The following MYH10 variants were observed in gnomAD, a reference collection of about 807,000 sequenced individuals.
MYH10 encodes myosin heavy chain 10.
MYH10 carries 55 observed loss-of-function variants against 257.8 expected under a neutral mutation model. The observed-to-expected ratio is 0.21, with a 90% CI of 0.17 to 0.27. The LOEUF is 0.27. MYH10 is among the 10% of genes least tolerant of loss of function. The pLI, the probability that MYH10 is intolerant of heterozygous loss-of-function variation, is 1.00. For synonymous variants in MYH10, 854 were observed against 921.7 expected (o/e 0.93, Z 1.33); for missense variants, 1,631 against 2,500.6 (o/e 0.65, Z 7.42).
At chr17:8,510,764 A>G (rs2081241850) in intron 24 of MYH10, among the ~76,000 whole-genome samples, 1 of 152,152 alleles carries the variant, frequency 6.6e-6, no homozygotes, top group South Asian at 2.1e-4. Flanking sequence ...GAAAACAATA[A>G]TTTAAATAGT....
rs576585516 is a variant in MYH10, at chr17:8,531,964, T to A, written c.1895-1279A>T. On this transcript the variant is annotated intron_variant, in intron 16 of 42. Coordinates refer to ENST00000360416, the MANE Select transcript of MYH10 (RefSeq NM_001256012.3). ...CTCTTTAACCTTCTGTGCCTGCCAC[T>A]GCTTTCTGTATGAAACAAACTGTCC... is the stretch of plus-strand genomic sequence containing the variant. 3.3e-5 allele frequency among the ~76,000 whole-genome samples: 5 copies of A among 152,346 alleles called. No individual in the cohort carries two copies. In the South Asian group the frequency reaches 1.0e-3, roughly 32 times the overall value.
At chr17:8,483,546 A>G (rs1914228700) in intron 37 of MYH10, among the ~76,000 whole-genome samples, 2 of 152,234 alleles carry the variant, frequency 1.3e-5, no homozygotes, top group Non-Finnish European at 2.9e-5. Context: ...TTAACTGATA[A>G]TAACATTTAA....
At chr17:8,624,460 C>A (rs2085593414) in intron 1 of MYH10, among the ~76,000 whole-genome samples, 1 of 152,216 alleles carries the variant, frequency 6.6e-6, no homozygotes, top group African/African-American at 2.4e-5. Context: ...TTCAAACCAA[C>A]AGAAGAAGCC....
chr17:8,530,920 A>G (rs1218236115), intron 16 of MYH10, among the ~76,000 whole-genome samples: 1 of 152,224 alleles, frequency 6.6e-6, no homozygotes, highest in East Asian at 1.9e-4. Flanking sequence ...TCCCGGTGTG[A>G]GCATTATATG....
chr17:8,529,334 A>G (rs2081950466), intron 17 of MYH10, among the ~76,000 whole-genome samples: 1 of 152,352 alleles, frequency 6.6e-6, no homozygotes, highest in South Asian at 2.1e-4. Flanking sequence ...CCCTGCCCTC[A>G]AAGAGCTCAC....
chr17:8,486,595 T>TACCA (rs1914846172), intron 36 of MYH10, among the ~76,000 whole-genome samples: 1 of 140,334 alleles, frequency 7.1e-6, no homozygotes, highest in Non-Finnish European at 1.5e-5. Flanking sequence ...AACAAGTTCC[T>TACCA]ACCAACCTAT....
chr17:8,561,728 A>G (rs141042861), intron 7 of MYH10, among the ~76,000 whole-genome samples: 1 of 152,228 alleles, frequency 6.6e-6, no homozygotes, highest in East Asian at 1.9e-4. Context: ...GTGGTCACTT[A>G]CTTAGATAAA....
In MYH10 at chr17:8,545,565, G is replaced by C; in HGVS notation, c.1314C>G (p.Thr438=). 1 of 1,613,988 alleles carries C rather than the reference G, an allele frequency of 6.2e-7. No homozygotes were observed. The highest frequency in any genetic ancestry group is 8.5e-7 in the Non-Finnish European group (1 of 1,179,958). ...CGAGCCAGCGAAAGAGCCGCTCATA[G>C]GTAGCTTTTGCCAATGCTTCTACTG... is the stretch of plus-strand genomic sequence containing the variant. The part of the protein sequence containing the change: ...DFAVEALAKA[T]YERLFRWLVH... The change falls in exon 13 of 43, where the codon ACC becomes ACG. Residue 438 remains threonine (T), a synonymous_variant. Coordinates refer to ENST00000360416, the MANE Select transcript of MYH10 (RefSeq NM_001256012.3). The surrounding 1 kb of genome is among the most constrained non-coding windows in gnomAD (Gnocchi z 4.7).
chr17:8,591,248 T>C (rs984982473), intron 3 of MYH10, among the ~76,000 whole-genome samples: 2 of 152,158 alleles, frequency 1.3e-5, no homozygotes, highest in African/African-American at 4.8e-5. Context: ...AATGCATTGC[T>C]TGAGATCCGA....
At chr17:8,579,823 C>T (rs1485210129) in intron 4 of MYH10, among the ~76,000 whole-genome samples, 1 of 152,118 alleles carries the variant, frequency 6.6e-6, no homozygotes, top group Non-Finnish European at 1.5e-5. Context: ...AGTTTGATAG[C>T]TTCACTTTTT....
In MYH10 at chr17:8,484,210, C is replaced by G; in HGVS notation, c.5103G>C (p.Glu1701Asp). 1 of 1,612,938 alleles carries G rather than the reference C, an allele frequency of 6.2e-7. No homozygotes were observed. Reference sequence around the variant, plus strand: ...CACTCTCTTTGGATTGAGCAAAAATCTCATCTCTGGATGCACGAGCTTCTT... The same window carrying G: ...CACTCTCTTTGGATTGAGCAAAAATGTCATCTCTGGATGCACGAGCTTCTT... ...ELEEARASRD[E>D]IFAQSKESEK... Residue 1701 changes from glutamate (E) to aspartate (D), a missense_variant, in exon 37 of 43, where the codon GAG becomes GAC. This residue lies in a region of MYH10 where 463 missense variants were observed against 621.8 expected (regional missense o/e 0.74). Transcript: ENST00000360416.
At chr17:8,528,020 T>C (rs1471562690) in intron 17 of MYH10, among the ~76,000 whole-genome samples, 2 of 152,224 alleles carry the variant, frequency 1.3e-5, no homozygotes, top group Non-Finnish European at 2.9e-5. Context: ...GGAGATTAAA[T>C]GGGTACCATC....
At chr17:8,532,084 G>A (rs1057019683) in intron 16 of MYH10, among the ~76,000 whole-genome samples, 5 of 152,150 alleles carry the variant, frequency 3.3e-5, no homozygotes, top group East Asian at 1.9e-4. Context: ...GATCTTCTCC[G>A]TCACTCAGAT....
intron 4 of MYH10, among the ~76,000 whole-genome samples, chr17:8,580,171 T>A (rs2083649872): frequency 6.6e-6 from 1 of 152,122 alleles, no homozygotes; most frequent in South Asian, 2.1e-4. Context: ...ACCTGTGGCA[T>A]ACTTCCAAGC....
chr17:8,512,183 GT>G (rs1320137226), intron 24 of MYH10, among the ~76,000 whole-genome samples: 1 of 152,152 alleles, frequency 6.6e-6, no homozygotes, highest in Non-Finnish European at 1.5e-5. Flanking sequence ...ATCCTGGGAG[GT>G]TTGCGACTGT....
In MYH10 at chr17:8,490,532, G is replaced by A. The variant is rs1915605309; in HGVS notation, c.4692C>T (p.Ser1564=). 1 of 1,614,152 alleles carries A rather than the reference G, an allele frequency of 6.2e-7. No individual in the cohort carries two copies. The highest frequency in any genetic ancestry group is 1.7e-5 in the Admixed American group (1 of 60,014). Reference sequence around the variant, plus strand: ...CCACCTGCTGCTCTAGGGCCCGTTTGGATTTTTCAAGTTCGTGAACCTAAA... The same window carrying A: ...CCACCTGCTGCTCTAGGGCCCGTTTAGATTTTTCAAGTTCGTGAACCTAAA... The part of the protein sequence containing the change: ...VGKNVHELEK[S]KRALEQQVEE... The change falls in exon 35 of 43, where the codon TCC becomes TCT. Residue 1564 remains serine (S), a synonymous_variant. Transcript: ENST00000360416. This position sits in a 1 kb window ranked among gnomAD's most constrained non-coding sequence, Gnocchi z 4.1.
rs536899542 is a variant in MYH10 at position 8,500,472 on chromosome 17, C to T, written c.3744+354G>A. Among the ~76,000 whole-genome samples, 4 of 152,282 alleles carry T rather than the reference C, an allele frequency of 2.6e-5. No individual in the cohort carries two copies. The East Asian group carries it at 5.8e-4, about 22-fold the overall frequency. ...CCCCTGAAGGGGAACATCGGCAGGA[C>T]GTGTGACTTACTGGCAGCAGACAAG... On this transcript the variant is annotated intron_variant, in intron 29 of 42. Transcript: ENST00000360416.
chr17:8,585,652 T>G (rs1408609846), intron 4 of MYH10, among the ~76,000 whole-genome samples: 2 of 152,088 alleles, frequency 1.3e-5, no homozygotes, highest in Admixed American at 6.5e-5. Flanking sequence ...CAGTGGTATC[T>G]AAAAAATTTT....
chr17:8,546,752 C>A, intron 11 of MYH10, 90 bp from the exon 12 acceptor site: 1 of 898,924 alleles, frequency 1.1e-6, no homozygotes, highest in Non-Finnish European at 1.7e-6. Context: ...ACCTTAGTAA[C>A]AATTAAATTG....
Sources: allele counts gnomAD v4.1 joint callset (sites outside exome capture counted in the v4.1 genomes callset), GRCh38; gene constraint gnomAD v4.1.1; regional missense constraint gnomAD v4.1.1; non-coding constraint Gnocchi (gnomAD v3.1); transcripts MANE v1.5; gene names NCBI Gene and HGNC (gene_info 2026-07-23, HGNC 2026-07-21).